CYP4Z1: variants seen among roughly 807,000 people sequenced by gnomAD.
CYP4Z1 encodes the protein cytochrome P450 family 4 subfamily Z member 1, also known as cytochrome P450 4Z1.
Under a neutral mutation model 54.2 loss-of-function variants are expected in CYP4Z1, and 41 were observed. The ratio of observed to expected loss-of-function variants is 0.76; its 90% CI spans 0.59 to 0.98. The LOEUF is 0.98. Ranked by LOEUF, CYP4Z1 falls within the 50% of genes least tolerant of loss-of-function variation. The probability of loss-of-function intolerance (pLI) is 0.00; values close to 1 mark genes in which losing one functional copy is unlikely to be tolerated. For synonymous variants in CYP4Z1, 163 were observed against 206.2 expected, an observed-to-expected ratio of 0.79 and a Z score of 1.79; for missense variants, 513 against 599.0, an observed-to-expected ratio of 0.86 and a Z score of 1.50.
At chr1:47,117,683 C>T (rs1248287659) in intron 11 of CYP4Z1, 83 bp from the exon 12 acceptor site, 5 of 1,407,042 alleles carry the variant, frequency 3.6e-6, no homozygotes, top group East Asian at 2.4e-5. Flanking sequence ...CTACAAAAGT[C>T]GTCATATATA....
At chr1:47,085,988 C>T (rs979683985) in intron 6 of CYP4Z1, among the ~76,000 whole-genome samples, 2 of 151,984 alleles carry the variant, frequency 1.3e-5, no homozygotes, top group African/African-American at 2.4e-5. Flanking sequence ...ATGATGGCTT[C>T]CAGCTTCATC....
chr1:47,113,562 C>A (rs1003625351), intron 9 of CYP4Z1, among the ~76,000 whole-genome samples: 2 of 152,196 alleles, frequency 1.3e-5, no homozygotes, highest in Admixed American at 6.5e-5. Flanking sequence ...TTGTAGAATT[C>A]TTTCCTTGGT....
At chr1:47,079,868 G>GGAGA (rs3066524) in intron 2 of CYP4Z1, among the ~76,000 whole-genome samples, 4 of 106,090 alleles carry the variant, frequency 3.8e-5, no homozygotes, top group Admixed American at 1.9e-4. Flanking sequence ...ATGGACAGAG[G>GGAGA]GAGAGAGAGA....
intron 8 of CYP4Z1, among the ~76,000 whole-genome samples, chr1:47,102,281 C>T (rs1346180443): frequency 1.3e-5 from 2 of 152,042 alleles, no homozygotes; most frequent in African/African-American, 4.8e-5. Context: ...TGGCATATTC[C>T]TGTCATTTTA....
In CYP4Z1 at chr1:47,094,821, A is replaced by C. The variant is rs969099903; in HGVS notation, c.876+152A>C. The C allele has an allele frequency of 1.6e-5, 9 of 558,360 alleles. No homozygotes were observed. The Middle Eastern group carries it at 1.5e-3, about 92-fold the overall frequency. 34.6% of individuals were successfully genotyped at this position (558,360 alleles called of 1,614,324 possible). ...TCAGGAGTTTGAGACAAGCCTGGCC[A>C]ACATAGTGAAACCTGGTCTCTACAA... On this transcript the variant is annotated intron_variant, in intron 7 of 11. Coordinates refer to ENST00000334194, the MANE Select transcript of CYP4Z1 (RefSeq NM_178134.3).
In CYP4Z1 at chr1:47,084,827, C is replaced by A. The variant is rs1416870686; in HGVS notation, c.621C>A (p.Thr207=). The change falls in exon 6 of 12, where the codon ACC becomes ACA. Residue 207 remains threonine (T), a synonymous_variant. Transcript: ENST00000334194. ...TGTTCCATCTTCCCTATTCCAGTAC[C>A]CTGGACTCATACCTGAAAGCAGTGT... ...SHQGSIQLDS[T]LDSYLKAVFN... 1 of 1,528,500 alleles carries A rather than the reference C, an allele frequency of 6.5e-7. No homozygotes were observed. The highest frequency in any genetic ancestry group is 8.7e-7 in the Non-Finnish European group (1 of 1,144,020). 94.7% of individuals were successfully genotyped at this position (1,528,500 alleles called of 1,614,324 possible).
rs538389036 is a variant in CYP4Z1 at position 47,111,191 on chromosome 1, A to ATT, written c.1202-4327_1202-4326dup. Among the ~76,000 whole-genome samples the ATT allele has an allele frequency of 2.5e-3, 366 of 148,620 alleles. 2 individuals carry two copies. The highest frequency in any genetic ancestry group is 9.4e-3 in the South Asian group (44 of 4,698). The stretch of plus-strand genomic sequence containing the variant: ...CTATGTATCAAGTTACACATCTGCA[A>ATT]TTTTTTTTTTTTGATGGAGTCTTGC... On this transcript the variant is annotated intron_variant, in intron 9 of 11. Coordinates refer to ENST00000334194, the MANE Select transcript of CYP4Z1 (RefSeq NM_178134.3).
At chr1:47,101,419 G>A (rs781566718) in intron 8 of CYP4Z1, among the ~76,000 whole-genome samples, 7 of 152,044 alleles carry the variant, frequency 4.6e-5, no homozygotes, top group Non-Finnish European at 8.8e-5. Flanking sequence ...TGCTTTTACT[G>A]TATGTCATAG....
chr1:47,097,863 T>G (rs1355355634), intron 7 of CYP4Z1, among the ~76,000 whole-genome samples: 1 of 147,144 alleles, frequency 6.8e-6, no homozygotes, highest in Non-Finnish European at 1.5e-5. Context: ...TCACCCAGGC[T>G]GGAGTGCAGT....
At chr1:47,094,350 C>A (rs148488221) in intron 6 of CYP4Z1, among the ~76,000 whole-genome samples, 2 of 152,136 alleles carry the variant, frequency 1.3e-5, no homozygotes, top group South Asian at 4.1e-4. Context: ...ATTTAAACAT[C>A]CTTATTTGAA....
chr1:47,060,132 T>G, the CYP4Z1 span, among the ~76,000 whole-genome samples: 5 of 152,226 alleles, frequency 3.3e-5, no homozygotes, highest in Non-Finnish European at 7.3e-5. Context: ...GTTAGACAAA[T>G]TCACTTCATT....
intron 8 of CYP4Z1, among the ~76,000 whole-genome samples, chr1:47,101,507 AATTGTT>A (rs1644721192): frequency 6.6e-6 from 1 of 152,008 alleles, no homozygotes; most frequent in Non-Finnish European, 1.5e-5. Flanking sequence ...TTCTTGACCC[AATTGTT>A]GTTCAGGAGA....
At chr1:47,113,672 T>A (rs1475580480) in intron 9 of CYP4Z1, among the ~76,000 whole-genome samples, 1 of 152,182 alleles carries the variant, frequency 6.6e-6, no homozygotes, top group East Asian at 1.9e-4. Flanking sequence ...GAGAGCCAAA[T>A]CATGAGCGAA....
chr1:47,114,603 AAAAC>A (rs1644816270), intron 9 of CYP4Z1, among the ~76,000 whole-genome samples: 1 of 145,950 alleles, frequency 6.9e-6, no homozygotes, highest in Non-Finnish European at 1.5e-5. Flanking sequence ...TTACAAGAAA[AAAAC>A]AAACAACCCC....
chr1:47,099,382 C>A, intron 8 of CYP4Z1, 98 bp downstream of exon 8: 1 of 1,191,872 alleles, frequency 8.4e-7, no homozygotes, highest in Non-Finnish European at 1.2e-6. Context: ...TTGAGATAGT[C>A]TGTATGCATT....
chr1:47,065,636 C>T (rs1318176727), upstream of CYP4Z1, among the ~76,000 whole-genome samples: 1 of 151,706 alleles, frequency 6.6e-6, no homozygotes, highest in Non-Finnish European at 1.5e-5. Flanking sequence ...GGAGAAAGAA[C>T]AATCAAAACT....
chr1:47,105,705 G>A (rs1446357447), intron 8 of CYP4Z1, among the ~76,000 whole-genome samples: 1 of 152,100 alleles, frequency 6.6e-6, no homozygotes, highest in African/African-American at 2.4e-5. Context: ...TGGAAGAGGC[G>A]AGTACCAGAT....
At chr1:47,070,350 A>G (rs1464160727) in intron 2 of CYP4Z1, among the ~76,000 whole-genome samples, 1 of 113,990 alleles carries the variant, frequency 8.8e-6, no homozygotes, top group Non-Finnish European at 1.7e-5. Context: ...ATACAATTTA[A>G]TGGCATTAAA....
At chr1:47,069,323 C>G (rs1305648906) in intron 2 of CYP4Z1, among the ~76,000 whole-genome samples, 1 of 152,248 alleles carries the variant, frequency 6.6e-6, no homozygotes, top group Non-Finnish European at 1.5e-5. Flanking sequence ...GGGCTTTCCT[C>G]AACTGCCTGT....
Sources: gnomAD v4.1 joint callset for allele counts (sites outside exome capture counted in the v4.1 genomes callset) on GRCh38, gnomAD v4.1.1 for gene constraint, MANE v1.5 for transcripts, NCBI Gene and HGNC (gene_info 2026-07-23, HGNC 2026-07-21) for gene names.